Variants in PCDH11X observed in about 807,000 individuals in gnomAD.
PCDH11X encodes protocadherin-11 X-linked.
A neutral mutation model predicts 53.3 loss-of-function variants in PCDH11X; 18 were observed. The observed-to-expected ratio is 0.34, with a 90% confidence interval of 0.23 to 0.50. The LOEUF (loss-of-function observed/expected upper bound fraction) is 0.50, where lower values mean the gene tolerates loss of function less well. Ranked by LOEUF, PCDH11X falls within the 20% of genes least tolerant of loss-of-function variation. PCDH11X has a pLI of 0.98. For synonymous variants in PCDH11X, 279 were observed against 393.3 expected (o/e 0.71, Z 3.44); for missense variants, 570 against 1,032.4 (o/e 0.55, Z 6.14).
At chrX:91,781,599 A>C (rs1159876991) in intron 1 of PCDH11X, among the ~76,000 whole-genome samples, 1 of 112,168 alleles carries the variant, frequency 8.9e-6, no homozygotes, top group Non-Finnish European at 1.9e-5. Context: ...AAACTCTCGC[A>C]ATCCCAGCAG....
intron 10 of PCDH11X, among the ~76,000 whole-genome samples, chrX:92,580,708 G>A (rs1260583133): frequency 1.8e-5 from 2 of 111,995 alleles, no homozygotes; most frequent in South Asian, 3.8e-4. Context: ...AGTGGCTGCC[G>A]AGAGTCTGCA....
chrX:91,846,599 C>CA (rs1313755800), intron 5 of PCDH11X, among the ~76,000 whole-genome samples: 1 of 104,085 alleles, frequency 9.6e-6, no homozygotes, highest in African/African-American at 3.5e-5. Context: ...GCCTGGGCGA[C>CA]AGAGTAAGAC....
intron 6 of PCDH11X, among the ~76,000 whole-genome samples, chrX:91,968,546 T>C (rs2061899605): frequency 9.0e-6 from 1 of 111,591 alleles, no homozygotes; most frequent in Admixed American, 9.6e-5. Context: ...TTATTTATTT[T>C]TCTTTCAAAT....
chrX:91,901,457 C>T (rs2525171), intron 6 of PCDH11X, among the ~76,000 whole-genome samples: 11 of 111,570 alleles, frequency 9.9e-5, no homozygotes, highest in African/African-American at 3.6e-4. Flanking sequence ...CAAATGCCAC[C>T]GTTCAGTGGT....
intron 10 of PCDH11X, among the ~76,000 whole-genome samples, chrX:92,484,209 A>G (rs866586514): frequency 0.015 from 1,091 of 72,847 alleles, 19 homozygotes; most frequent in African/African-American, 0.071. Flanking sequence ...GTATATATGT[A>G]TATATATGTA....
intron 8 of PCDH11X, among the ~76,000 whole-genome samples, chrX:92,354,652 G>T (rs2070146377): frequency 9.0e-6 from 1 of 111,261 alleles, no homozygotes; most frequent in South Asian, 3.7e-4. Context: ...TATGAATTCT[G>T]TACTCCAAAT....
At chrX:91,791,962 C>T (rs1369989780) in intron 1 of PCDH11X, among the ~76,000 whole-genome samples, 1 of 106,518 alleles carries the variant, frequency 9.4e-6, no homozygotes, top group Non-Finnish European at 1.9e-5. Context: ...CCCGGGTTCA[C>T]GCCATTCTCC....
At chrX:92,321,961 G>A (rs1235141044) in intron 8 of PCDH11X, among the ~76,000 whole-genome samples, 14 of 105,256 alleles carry the variant, frequency 1.3e-4, no homozygotes, top group Non-Finnish European at 1.7e-4. Context: ...ATAAGTGCAC[G>A]TAGAGCATAC....
chrX:92,045,254 T>G (rs1476788266), intron 6 of PCDH11X, among the ~76,000 whole-genome samples: 3 of 105,504 alleles, frequency 2.8e-5, no homozygotes, highest in Non-Finnish European at 5.8e-5. Context: ...TTAGTGCAGA[T>G]AAGAAACAAA....
At chrX:91,984,662 C>T (rs2062199900) in intron 6 of PCDH11X, among the ~76,000 whole-genome samples, 2 of 111,272 alleles carry the variant, frequency 1.8e-5, no homozygotes, top group Middle Eastern at 4.7e-3. Context: ...ATCCGTGGAT[C>T]ATGTGAGTAG....
intron 4 of PCDH11X, among the ~76,000 whole-genome samples, chrX:91,831,090 A>G (rs1937090221): frequency 8.9e-6 from 1 of 111,841 alleles, no homozygotes; most frequent in African/African-American, 3.2e-5. Flanking sequence ...CTACTCAGAG[A>G]TGATAAAATG....
At chrX:92,035,414 T>C (rs1602725660) in intron 6 of PCDH11X, among the ~76,000 whole-genome samples, 1 of 110,275 alleles carries the variant, frequency 9.1e-6, no homozygotes, top group Middle Eastern at 4.6e-3. Flanking sequence ...CAATTTTTGC[T>C]ATTATCTGGT....
intron 10 of PCDH11X, among the ~76,000 whole-genome samples, chrX:92,572,207 A>G (rs1469028085): frequency 8.9e-6 from 1 of 112,184 alleles, no homozygotes; most frequent in African/African-American, 3.2e-5. Flanking sequence ...TCTTATTGCA[A>G]ATTATAAATC....
chrX:92,583,055 A>G (rs1923896236), intron 10 of PCDH11X, among the ~76,000 whole-genome samples: 1 of 107,578 alleles, frequency 9.3e-6, no homozygotes, highest in Admixed American at 1.0e-4. Context: ...TTACAGTCTC[A>G]TAGGTGGAAG....
intron 1 of PCDH11X, among the ~76,000 whole-genome samples, chrX:91,809,090 ATTC>A (rs1203328851): frequency 9.3e-6 from 1 of 107,924 alleles, no homozygotes; most frequent in African/African-American, 3.4e-5. Context: ...TATAAAACAT[ATTC>A]TTCTTCTGTC....
intron 10 of PCDH11X, among the ~76,000 whole-genome samples, chrX:92,491,393 T>G (rs952101025): frequency 1.8e-5 from 2 of 110,655 alleles, no homozygotes; most frequent in African/African-American, 6.6e-5. Context: ...TACAAGAGAT[T>G]TGGCTTGTTG....
chrX:91,970,071 G>A (rs1480668587), intron 6 of PCDH11X, among the ~76,000 whole-genome samples: 1 of 111,169 alleles, frequency 9.0e-6, no homozygotes, highest in East Asian at 2.9e-4. Context: ...GCTCATAAAG[G>A]CAGCGTATCC....
chrX:92,019,715 G>C (rs2062853408), intron 6 of PCDH11X, among the ~76,000 whole-genome samples: 1 of 112,184 alleles, frequency 8.9e-6, no homozygotes, highest in African/African-American at 3.2e-5. Context: ...GCAGTGTTTA[G>C]CGGGAAACTT....
chrX:92,075,878 G>T (rs947362224), intron 6 of PCDH11X, among the ~76,000 whole-genome samples: 1 of 110,546 alleles, frequency 9.0e-6, no homozygotes, highest in African/African-American at 3.3e-5. Flanking sequence ...CATTTAGTAA[G>T]CACAAATCCT....
Sources: gnomAD v4.1 joint callset for allele counts (sites outside exome capture counted in the v4.1 genomes callset) on GRCh38, gnomAD v4.1.1 for gene constraint, MANE v1.5 for transcripts, NCBI Gene and HGNC (gene_info 2026-07-23, HGNC 2026-07-21) for gene names.